CCDC171: variants seen among roughly 807,000 people sequenced by gnomAD.
The protein encoded by CCDC171 is coiled-coil domain-containing protein 171.
A neutral mutation model predicts 168.2 loss-of-function variants in CCDC171; 177 were observed. That is an observed-to-expected ratio of 1.05 (90% CI 0.93 to 1.19). The LOEUF is 1.19. CCDC171 is among the 50% of genes most tolerant of loss of function. The pLI is 0.00. For missense variants in CCDC171, 1,991 were observed against 1,539.0 expected (o/e 1.29, Z -4.91); for synonymous variants, 687 against 540.8 (o/e 1.27, Z -3.75).
intron 8 of CCDC171, among the ~76,000 whole-genome samples, chr9:15,665,114 G>A (rs142219703): frequency 5.5e-4 from 84 of 152,026 alleles, no homozygotes; most frequent in African/African-American, 1.9e-3. Flanking sequence ...CCCAGTTTCA[G>A]ACCTAAACAT....
At chr9:15,952,611 G>T (rs1829326629) in intron 25 of CCDC171, among the ~76,000 whole-genome samples, 1 of 152,010 alleles carries the variant, frequency 6.6e-6, no homozygotes, top group African/African-American at 2.4e-5. Flanking sequence ...TGGTCAGGCT[G>T]GTCTTGAACT....
exon 2 of CCDC171, chr9:16,061,108 G>C (rs1833926102): frequency 6.6e-6 from 1 of 152,218 alleles, no homozygotes; most frequent in Non-Finnish European, 1.5e-5. Context: ...ATGGGAGCCT[G>C]GGTCCCAATT....
chr9:16,003,002 C>G (rs955512060), intron 3 of CCDC171, among the ~76,000 whole-genome samples: 1 of 152,172 alleles, frequency 6.6e-6, no homozygotes, highest in Non-Finnish European at 1.5e-5. Flanking sequence ...ATGATGACAT[C>G]GCCTCACAAT....
chr9:15,846,232 C>T (rs918453098), intron 21 of CCDC171, among the ~76,000 whole-genome samples: 1 of 152,212 alleles, frequency 6.6e-6, no homozygotes, highest in South Asian at 2.1e-4. Context: ...GGTACTCTTT[C>T]ATCTTGGGTT....
At chr9:15,736,373 T>C (rs938964871) in intron 16 of CCDC171, among the ~76,000 whole-genome samples, 3 of 151,998 alleles carry the variant, frequency 2.0e-5, no homozygotes, top group African/African-American at 7.2e-5. Flanking sequence ...TTTTTGGAGC[T>C]AGTACCTCAC....
chr9:15,953,936 A>G (rs1431011708), intron 25 of CCDC171, among the ~76,000 whole-genome samples: 2 of 151,982 alleles, frequency 1.3e-5, no homozygotes, highest in African/African-American at 2.4e-5. Flanking sequence ...TGTCTGTTTC[A>G]TCGAGGGCAT....
intron 18 of CCDC171, among the ~76,000 whole-genome samples, chr9:15,767,276 G>C (rs1011862960): frequency 3.9e-5 from 6 of 152,132 alleles, no homozygotes; most frequent in African/African-American, 4.8e-5. Context: ...GGCTGTAAGG[G>C]TGAATCTGAT....
intron 21 of CCDC171, among the ~76,000 whole-genome samples, chr9:15,823,711 TTAA>T (rs2059894854): frequency 6.6e-6 from 1 of 152,118 alleles, no homozygotes; most frequent in Non-Finnish European, 1.5e-5. Context: ...CTTCACAGTT[TTAA>T]AGAGTGTTAC....
chr9:15,906,523 C>CAACATAAT (rs1464129693), intron 24 of CCDC171, among the ~76,000 whole-genome samples: 9 of 152,198 alleles, frequency 5.9e-5, no homozygotes, highest in Admixed American at 6.5e-5. Flanking sequence ...GGACTTATCT[C>CAACATAAT]AACATAATAA....
chr9:15,941,935 A>T (rs555614173), intron 25 of CCDC171, among the ~76,000 whole-genome samples: 26 of 152,026 alleles, frequency 1.7e-4, no homozygotes, highest in Admixed American at 4.6e-4. Flanking sequence ...GCTTTTTAAC[A>T]TGTTCAGCCA....
chr9:15,586,959 C>T (rs1340415869), intron 4 of CCDC171, among the ~76,000 whole-genome samples: 2 of 152,060 alleles, frequency 1.3e-5, no homozygotes, highest in Non-Finnish European at 2.9e-5. Context: ...AGGTGTATGC[C>T]ACCACACGTG....
intron 25 of CCDC171, among the ~76,000 whole-genome samples, chr9:15,944,553 T>C (rs1244253351): frequency 6.6e-6 from 1 of 152,060 alleles, no homozygotes; most frequent in Non-Finnish European, 1.5e-5. Flanking sequence ...TTATGAACTC[T>C]TATTATGCTG....
intron 18 of CCDC171, among the ~76,000 whole-genome samples, chr9:15,753,326 C>T (rs1363558277): frequency 6.6e-6 from 1 of 151,956 alleles, no homozygotes; most frequent in African/African-American, 2.4e-5. Flanking sequence ...AGCAGAGATG[C>T]AGTTGTGGGA....
At chr9:15,911,178 C>T (rs548170033) in intron 24 of CCDC171, among the ~76,000 whole-genome samples, 1 of 152,188 alleles carries the variant, frequency 6.6e-6, no homozygotes, top group South Asian at 2.1e-4. Flanking sequence ...TAAAAGTGTT[C>T]CTATTTCTTC....
rs1390190672 is a variant in CCDC171, at chr9:15,852,809, C to G, written c.3468+3862C>G. ...TTTTTTATATGGCAATCCAATTATT[C>G]CAGCACCATTTGTTGAAAAGGATGT... On this transcript the variant is annotated intron_variant, in intron 23 of 25. Coordinates refer to ENST00000380701, the MANE Select transcript of CCDC171 (RefSeq NM_173550.4). Among the ~76,000 whole-genome samples, 10 of 151,564 alleles carry G rather than the reference C, an allele frequency of 6.6e-5. No individual in the cohort carries two copies. In the East Asian group the frequency reaches 1.7e-3, roughly 26 times the overall value.
chr9:16,104,926 G>A, the CCDC171 span, among the ~76,000 whole-genome samples: 7 of 152,202 alleles, frequency 4.6e-5, no homozygotes, highest in East Asian at 1.4e-3. Context: ...AGAGATGTAG[G>A]TACCAGCAGA....
chr9:16,077,827 T>C, the CCDC171 span, among the ~76,000 whole-genome samples: 1 of 152,196 alleles, frequency 6.6e-6, no homozygotes, highest in African/African-American at 2.4e-5. Context: ...AGGCATACAC[T>C]TCTGTTTTTT....
intron 24 of CCDC171, among the ~76,000 whole-genome samples, chr9:15,904,767 C>T (rs577021482): frequency 6.6e-6 from 1 of 152,020 alleles, no homozygotes; most frequent in Admixed American, 6.6e-5. Context: ...GTGCTGTATT[C>T]AGGAAAGCCA....
chr9:15,680,644 A>G (rs1048002861), intron 10 of CCDC171, among the ~76,000 whole-genome samples: 4 of 152,090 alleles, frequency 2.6e-5, no homozygotes, highest in African/African-American at 7.2e-5. Flanking sequence ...GCAGTTTGGT[A>G]TTTTGAATGT....
Sources: gnomAD v4.1 joint callset for allele counts (sites outside exome capture counted in the v4.1 genomes callset) on GRCh38, gnomAD v4.1.1 for gene constraint, MANE v1.5 for transcripts, NCBI Gene and HGNC (gene_info 2026-07-23, HGNC 2026-07-21) for gene names.